The following VGLL4 variants were observed in gnomAD, a reference collection of about 807,000 sequenced individuals.
The protein encoded by VGLL4 is vestigial like family member 4.
In VGLL4, 7 loss-of-function variants were observed where a neutral mutation model predicts 21.0. The observed-to-expected ratio is 0.33, with a 90% CI of 0.19 to 0.63. The LOEUF (loss-of-function observed/expected upper bound fraction) is 0.63, where lower values mean the gene tolerates loss of function less well. Among genes scored for constraint, VGLL4 ranks in the 20% least tolerant of loss-of-function variants. The probability of loss-of-function intolerance (pLI) is 0.78; values close to 1 mark genes in which losing one functional copy is unlikely to be tolerated. For missense variants in VGLL4, 394 were observed against 425.7 expected (o/e 0.93, Z 0.66); for synonymous variants, 222 against 173.2 (o/e 1.28, Z -2.21).
rs71044228 is a variant in VGLL4, at chr3:11,578,748, C to CTTTTTTTTTT, written c.273-13739_273-13730dup. On this transcript the variant is annotated intron_variant, in intron 2 of 4. Transcript: ENST00000430365. The stretch of plus-strand genomic sequence containing the variant: ...TTTTGAGGCATCTACTGTATATTTT[C>CTTTTTTTTTT]TTTTTTTTTTTTTTTTTTTGAGATG... Among the ~76,000 whole-genome samples, 36 of 104,696 alleles carry CTTTTTTTTTT rather than the reference C, an allele frequency of 3.4e-4. 1 individual carries two copies. Among genetic ancestry groups the CTTTTTTTTTT allele is most frequent in the Non-Finnish European group, 4.2e-4 (24 of 56,610 alleles). 68.7% of individuals were successfully genotyped at this position (104,696 alleles called of 152,430 possible).
chr3:11,661,723 C>T (rs9857600), intron 2 of VGLL4, among the ~76,000 whole-genome samples: 3,204 of 152,186 alleles, frequency 0.021, 122 homozygotes, highest in African/African-American at 0.074. Context: ...CTGCCCGCCT[C>T]GGCTTCCCAA....
At chr3:11,592,540 C>T (rs180723392) in intron 2 of VGLL4, among the ~76,000 whole-genome samples, 16 of 152,334 alleles carry the variant, frequency 1.1e-4, no homozygotes, top group Non-Finnish European at 1.8e-4. Flanking sequence ...AATGAACAGT[C>T]CCCACCTCCC....
chr3:11,666,407 C>T (rs746717110), intron 2 of VGLL4, among the ~76,000 whole-genome samples: 6 of 152,154 alleles, frequency 3.9e-5, no homozygotes, highest in Admixed American at 6.5e-5. Flanking sequence ...CCGAACAGAG[C>T]ATGGCCAGAA....
At chr3:11,671,529 C>T (rs1210400494) in intron 2 of VGLL4, 2 of 594,646 alleles carry the variant, frequency 3.4e-6, no homozygotes, top group Admixed American at 5.7e-5. Context: ...CCTGCAGAGC[C>T]CACCTGTATG....
chr3:11,713,568 T>TATA (rs2076878606), intron 1 of VGLL4, among the ~76,000 whole-genome samples: 1 of 140,294 alleles, frequency 7.1e-6, no homozygotes, highest in Non-Finnish European at 1.5e-5. Context: ...TATATATTAT[T>TATA]TATATATATA....
At chr3:11,702,582 T>C (rs57974155) in intron 2 of VGLL4, 4,663 of 151,948 alleles carry the variant, frequency 0.031, 239 homozygotes, top group East Asian at 0.18. Context: ...TGAGCCGAGA[T>C]TGCACCACTG....
upstream of VGLL4, among the ~76,000 whole-genome samples, chr3:11,648,830 T>C (rs1196046426): frequency 6.7e-6 from 1 of 149,892 alleles, no homozygotes; most frequent in East Asian, 1.9e-4. Context: ...TAAGTGATTT[T>C]CCAGCTACCA....
At chr3:11,660,070 G>C (rs1431354530) in intron 2 of VGLL4, among the ~76,000 whole-genome samples, 2 of 151,942 alleles carry the variant, frequency 1.3e-5, no homozygotes, top group African/African-American at 4.8e-5. Context: ...GCTGAGGCAG[G>C]AGAATGGTGT....
chr3:11,704,164 T>C (rs910375376), intron 1 of VGLL4, among the ~76,000 whole-genome samples: 1 of 152,036 alleles, frequency 6.6e-6, no homozygotes, highest in Admixed American at 6.6e-5. Flanking sequence ...GCAGGTAACC[T>C]GAGGTCGGGA....
intron 2 of VGLL4, among the ~76,000 whole-genome samples, chr3:11,665,894 C>T (rs1342763389): frequency 6.6e-6 from 1 of 152,182 alleles, no homozygotes; most frequent in Non-Finnish European, 1.5e-5. Flanking sequence ...ACAAGGAAGG[C>T]TGCTCTGAGA....
At chr3:11,579,185 C>T (rs2074152312) in intron 2 of VGLL4, among the ~76,000 whole-genome samples, 1 of 143,496 alleles carries the variant, frequency 7.0e-6, no homozygotes, top group African/African-American at 2.6e-5. Context: ...CTTTCCAAAA[C>T]TAGGGGGAAA....
At chr3:11,670,994 G>A (rs1207575199) in intron 2 of VGLL4, among the ~76,000 whole-genome samples, 2 of 152,188 alleles carry the variant, frequency 1.3e-5, no homozygotes, top group East Asian at 1.9e-4. Flanking sequence ...CTGAGATCGT[G>A]CCATTGCACT....
At chr3:11,559,240 A>G (rs2072739728) in intron 4 of VGLL4, 92 bp downstream of exon 4, 14 of 1,448,812 alleles carry the variant, frequency 9.7e-6, no homozygotes, top group Non-Finnish European at 1.2e-5. Flanking sequence ...AGATGGGCTC[A>G]GGGGCGAGAG....
chr3:11,558,306 G>A lies in VGLL4; in HGVS notation c.*250C>T. On this transcript the variant is annotated 3_prime_UTR_variant, in exon 5 of 5. Transcript: ENST00000430365. ...AGAGGTTTCTTTGGTAACTGAGGCA[G>A]GAAGTAAGGATGCTACATTAGACAG... 1 of 601,818 alleles carries A rather than the reference G, an allele frequency of 1.7e-6. No homozygotes were observed. The highest frequency in any genetic ancestry group is 2.9e-5 in the East Asian group (1 of 34,700). 37.3% of individuals were successfully genotyped at this position (601,818 alleles called of 1,614,324 possible).
chr3:11,574,809 G>A (rs1244415072), intron 2 of VGLL4, among the ~76,000 whole-genome samples: 1 of 150,348 alleles, frequency 6.7e-6, no homozygotes, highest in African/African-American at 2.5e-5. Flanking sequence ...GTGTGTGTGT[G>A]TGTGTGTGTG....
upstream of VGLL4, among the ~76,000 whole-genome samples, chr3:11,645,767 T>C (rs972170767): frequency 1.3e-5 from 2 of 150,442 alleles, no homozygotes; most frequent in African/African-American, 4.9e-5. Context: ...AGGTCAGGAG[T>C]TTGAGAACAG....
chr3:11,590,407 T>G (rs1190013292), intron 2 of VGLL4, among the ~76,000 whole-genome samples: 1 of 152,198 alleles, frequency 6.6e-6, no homozygotes, highest in Non-Finnish European at 1.5e-5. Flanking sequence ...ATTCATTAGC[T>G]GCATTATTCT....
chr3:11,668,864 T>C (rs2076164408), intron 2 of VGLL4, among the ~76,000 whole-genome samples: 1 of 152,036 alleles, frequency 6.6e-6, no homozygotes, highest in African/African-American at 2.4e-5. Flanking sequence ...ATTACCTGTG[T>C]TCTACTCACA....
Position 11,556,515 on chromosome 3 carries a change from C to CGTCGT in VGLL4, c.*2040_*2041insACGAC. ...TGTTACGACGCTCAGTAGCCTGTAG[C>CGTCGT]AATAACAAACTCGTGGCTATGAATG... On this transcript the variant is annotated 3_prime_UTR_variant, in exon 5 of 5. Transcript: ENST00000430365. 6.6e-6 allele frequency: 1 copy of CGTCGT among 152,658 alleles called. No homozygotes were observed. Among genetic ancestry groups the CGTCGT allele is most frequent in the East Asian group, 1.9e-4 (1 of 5,304 alleles). 9.5% of individuals were successfully genotyped at this position (152,658 alleles called of 1,614,324 possible).
Sources: allele counts gnomAD v4.1 joint callset (sites outside exome capture counted in the v4.1 genomes callset), GRCh38; gene constraint gnomAD v4.1.1; transcripts MANE v1.5; gene names NCBI Gene and HGNC (gene_info 2026-07-23, HGNC 2026-07-21).